The following MGAT5 variants were observed in gnomAD, a reference collection of about 807,000 sequenced individuals.
MGAT5 encodes alpha-1,6-mannosylglycoprotein 6-beta-N-acetylglucosaminyltransferase, also known as alpha-1,6-mannosylglycoprotein 6-beta-N-acetylglucosaminyltransferase A.
In MGAT5, 30 loss-of-function variants were observed where a neutral mutation model predicts 94.3. The observed-to-expected ratio is 0.32, with a 90% CI of 0.24 to 0.43. The LOEUF (loss-of-function observed/expected upper bound fraction) is 0.43, where lower values mean the gene tolerates loss of function less well. MGAT5 is among the 20% of genes least tolerant of loss of function. The pLI is 1.00. For missense variants in MGAT5, 691 were observed against 905.5 expected (o/e 0.76, Z 3.04); for synonymous variants, 310 against 322.9 (o/e 0.96, Z 0.43).
rs747735568 is a variant in MGAT5, at chr2:134,341,725, A to G, written c.943A>G (p.Ile315Val). The change falls in exon 7 of 16, where the codon ATT (isoleucine) becomes GTT (valine). Residue 315 changes from isoleucine (I) to valine (V), a missense_variant. This residue lies in a region of MGAT5 where 121 missense variants were observed against 206.1 expected (regional missense o/e 0.59). Transcript: ENST00000281923. ...ITSLYLLGHD[I>V]RISASLAELK... ...ATCTCTGTACTTACTGGGCCATGAC[A>G]TTAGGATTTCAGCTTCACTGGCTGA... 2 of 1,611,760 alleles carry G rather than the reference A, an allele frequency of 1.2e-6. No individual in the cohort carries two copies. The highest frequency in any genetic ancestry group is 2.2e-5 in the East Asian group (1 of 44,766).
At chr2:134,387,332 ATTTTT>A (rs35936767) in intron 10 of MGAT5, among the ~76,000 whole-genome samples, 29 of 24,264 alleles carry the variant, frequency 1.2e-3, no homozygotes, top group Non-Finnish European at 1.7e-3. Context: ...ATATATATAT[ATTTTT>A]TTTTTTTTTT....
intron 2 of MGAT5, among the ~76,000 whole-genome samples, chr2:134,293,195 ACTC>A (rs1174071204): frequency 6.6e-6 from 1 of 152,180 alleles, no homozygotes; most frequent in Non-Finnish European, 1.5e-5. Context: ...AAGCATTACT[ACTC>A]AGTGAATAGA....
chr2:134,200,376 A>G (rs1267340844), intron 1 of MGAT5, among the ~76,000 whole-genome samples: 3 of 152,134 alleles, frequency 2.0e-5, no homozygotes, highest in Non-Finnish European at 2.9e-5. Flanking sequence ...TTCTTCTGGA[A>G]ATTTCTCTCA....
chr2:134,255,504 T>TACACATATATATATACAC (rs1248684190), intron 1 of MGAT5, among the ~76,000 whole-genome samples: 1 of 149,694 alleles, frequency 6.7e-6, no homozygotes, highest in Admixed American at 6.7e-5. Context: ...TACACATATA[T>TACACATATATATATACAC]ACACATATAT....
chr2:134,387,332 A>ATTTTTTTTTTTTT (rs35936767), intron 10 of MGAT5, among the ~76,000 whole-genome samples: 7 of 24,264 alleles, frequency 2.9e-4, no homozygotes, highest in African/African-American at 1.2e-3. Context: ...ATATATATAT[A>ATTTTTTTTTTTTT]TTTTTTTTTT....
chr2:134,163,398 T>G (rs556185227), intron 1 of MGAT5, among the ~76,000 whole-genome samples: 1 of 152,104 alleles, frequency 6.6e-6, no homozygotes, highest in South Asian at 2.1e-4. Flanking sequence ...CAGGATGAAA[T>G]CAGGGGAGGG....
chr2:134,193,705 GTGTGTGTGTGT>G (rs1679352894), intron 1 of MGAT5, among the ~76,000 whole-genome samples: 1 of 149,812 alleles, frequency 6.7e-6, no homozygotes, highest in Admixed American at 6.7e-5. Flanking sequence ...GTGTGTGTGT[GTGTGTGTGTGT>G]GTGTGTGTGT....
At chr2:134,249,291 T>C (rs1185030673), upstream of MGAT5, among the ~76,000 whole-genome samples, 1 of 151,938 alleles carries the variant, frequency 6.6e-6, no homozygotes, top group Non-Finnish European at 1.5e-5. Context: ...TTTAAACGTA[T>C]ACAACTCCAT....
In MGAT5 at chr2:134,361,463, T is replaced by C. The variant is rs16830486; in HGVS notation, c.1247-812T>C. On this transcript the variant is annotated intron_variant, in intron 9 of 15. Transcript: ENST00000281923. ...TCTAGAGAGAATTATTTTCTGATTG[T>C]CACTTGCTGGTGAAATGCCTTTTAA... is the stretch of plus-strand genomic sequence containing the variant. Among the ~76,000 whole-genome samples, 97 of 152,362 alleles carry C rather than the reference T, an allele frequency of 6.4e-4. No individual in the cohort carries two copies. In the East Asian group the frequency reaches 8.5e-3, roughly 13 times the overall value.
At chr2:134,356,291 A>G (rs1898776) in intron 9 of MGAT5, among the ~76,000 whole-genome samples, 19,120 of 151,276 alleles carry the variant, frequency 0.13, 1,418 homozygotes, top group South Asian at 0.22. Context: ...TTCCCATTTC[A>G]CCTTCCACTT....
At chr2:134,180,394 C>T (rs887805752) in intron 1 of MGAT5, among the ~76,000 whole-genome samples, 2 of 152,140 alleles carry the variant, frequency 1.3e-5, no homozygotes, top group Non-Finnish European at 2.9e-5. Flanking sequence ...TACTCAAATT[C>T]CTCTTGGTAA....
intron 1 of MGAT5, 128 bp downstream of exon 1, chr2:134,254,772 GCA>G: frequency 7.7e-7 from 1 of 1,303,286 alleles, no homozygotes; most frequent in East Asian, 2.3e-5. Context: ...GCAGTGAATT[GCA>G]CACAGAGAGG....
At chr2:134,276,009 C>T (rs1210276315) in intron 2 of MGAT5, among the ~76,000 whole-genome samples, 6 of 152,094 alleles carry the variant, frequency 3.9e-5, no homozygotes, top group Non-Finnish European at 2.9e-5. Flanking sequence ...TGTGAAATTC[C>T]GATCTATGAG....
chr2:134,328,099 T>C (rs549196024), intron 4 of MGAT5, among the ~76,000 whole-genome samples: 1 of 152,176 alleles, frequency 6.6e-6, no homozygotes, highest in African/African-American at 2.4e-5. Context: ...TAAGGGAAAA[T>C]TGGCCTTTCT....
intron 5 of MGAT5, among the ~76,000 whole-genome samples, chr2:134,336,788 A>G (rs991256377): frequency 6.6e-6 from 1 of 152,178 alleles, no homozygotes; most frequent in African/African-American, 2.4e-5. Context: ...GGAGGAGAGC[A>G]TGCACGCATG....
At chr2:134,180,167 A>G (rs539513711) in intron 1 of MGAT5, among the ~76,000 whole-genome samples, 1 of 152,338 alleles carries the variant, frequency 6.6e-6, no homozygotes, top group African/African-American at 2.4e-5. Context: ...AATAACTGTA[A>G]GTATACTCAG....
chr2:134,328,275 T>C (rs911244737), intron 4 of MGAT5, among the ~76,000 whole-genome samples: 3 of 152,098 alleles, frequency 2.0e-5, no homozygotes, highest in Non-Finnish European at 4.4e-5. Context: ...CCTCTGGCCC[T>C]GTACTCTGTC....
intron 1 of MGAT5, among the ~76,000 whole-genome samples, chr2:134,134,687 A>G (rs1686326885): frequency 6.6e-6 from 1 of 152,204 alleles, no homozygotes; most frequent in Non-Finnish European, 1.5e-5. Context: ...TTGGGGGCAT[A>G]TCAGCAATTT....
intron 4 of MGAT5, among the ~76,000 whole-genome samples, chr2:134,325,172 G>A (rs913454583): frequency 6.6e-6 from 1 of 151,840 alleles, no homozygotes; most frequent in Non-Finnish European, 1.5e-5. Flanking sequence ...TCTTGTTCTG[G>A]CCTCCACTCT....
Sources: gnomAD v4.1 joint callset for allele counts (sites outside exome capture counted in the v4.1 genomes callset) on GRCh38, gnomAD v4.1.1 for gene constraint, gnomAD v4.1.1 regional missense constraint, MANE v1.5 for transcripts, NCBI Gene and HGNC (gene_info 2026-07-23, HGNC 2026-07-21) for gene names.